The following SMCO4 variants were observed in gnomAD, a reference collection of about 807,000 sequenced individuals.
The protein encoded by SMCO4 is single-pass membrane and coiled-coil domain-containing protein 4.
A neutral mutation model predicts 3.6 loss-of-function variants in SMCO4; 4 were observed. The observed-to-expected ratio is 1.11, with a 90% CI of 0.54 to 2.53. The LOEUF (loss-of-function observed/expected upper bound fraction) is 2.53. Among genes scored for constraint, SMCO4 ranks in the 30% most tolerant of loss-of-function variants. SMCO4 has a pLI of 0.02. For missense variants in SMCO4, 70 were observed against 80.8 expected (o/e 0.87, Z 0.51); for synonymous variants, 36 against 35.3 (o/e 1.02, Z -0.07).
chr11:93,506,189 T>C (rs559157082), intron 1 of SMCO4, among the ~76,000 whole-genome samples: 12 of 152,270 alleles, frequency 7.9e-5, no homozygotes, highest in African/African-American at 2.9e-4. Flanking sequence ...AGCCAAGATA[T>C]GGAAAGCGAG....
At chr11:93,532,612 T>A (rs1323879456) in intron 1 of SMCO4, among the ~76,000 whole-genome samples, 1 of 152,204 alleles carries the variant, frequency 6.6e-6, no homozygotes, top group Non-Finnish European at 1.5e-5. Context: ...GTCCTATTGG[T>A]TCTGTCTCTC....
intron 1 of SMCO4, among the ~76,000 whole-genome samples, chr11:93,542,083 T>G (rs1949275225): frequency 6.8e-6 from 1 of 147,148 alleles, no homozygotes. Context: ...GGCATACTGG[T>G]GTCTTGAATA....
intron 1 of SMCO4, among the ~76,000 whole-genome samples, chr11:93,516,727 T>G (rs1438531991): frequency 3.3e-5 from 5 of 151,982 alleles, no homozygotes. Context: ...GAGGTGAAGG[T>G]TGCTGTGAGC....
chr11:93,505,398 T>C (rs1948889647), intron 1 of SMCO4, among the ~76,000 whole-genome samples: 1 of 152,198 alleles, frequency 6.6e-6, no homozygotes, highest in Non-Finnish European at 1.5e-5. Context: ...TCACTTGCTA[T>C]TGTATTACCC....
At chr11:93,486,549 C>T (rs1003632841) in intron 2 of SMCO4, among the ~76,000 whole-genome samples, 2 of 152,190 alleles carry the variant, frequency 1.3e-5, no homozygotes, top group African/African-American at 4.8e-5. Context: ...GGCAGTCATT[C>T]TGGGTTAAAA....
chr11:93,531,461 C>T (rs1050067431), intron 1 of SMCO4, among the ~76,000 whole-genome samples: 5 of 152,176 alleles, frequency 3.3e-5, no homozygotes, highest in African/African-American at 1.2e-4. Flanking sequence ...CATTGGCTCT[C>T]TGGGGTCTCA....
intron 1 of SMCO4, among the ~76,000 whole-genome samples, chr11:93,514,398 A>G (rs1364175712): frequency 5.6e-5 from 5 of 88,994 alleles, no homozygotes; most frequent in African/African-American, 2.4e-4. Flanking sequence ...ATATATATAT[A>G]TATATATATA....
At chr11:93,497,624 G>A (rs1948789501) in intron 2 of SMCO4, among the ~76,000 whole-genome samples, 1 of 151,804 alleles carries the variant, frequency 6.6e-6, no homozygotes, top group African/African-American at 2.4e-5. Flanking sequence ...GTTTGCCATG[G>A]CTTCCAAAGG....
chr11:93,478,756 C>CAA lies in SMCO4; in HGVS notation c.*253_*254insTT. 1.1e-4 allele frequency: 101 copies of CAA among 914,012 alleles called. No homozygotes were observed. The highest frequency in any genetic ancestry group is 1.4e-4 in the Non-Finnish European group (97 of 676,744). 56.6% of individuals were successfully genotyped at this position (914,012 alleles called of 1,614,324 possible). A position where few individuals can be genotyped will look rare whatever the true frequency, so the allele number is the denominator to read the frequency against. Reference sequence around the variant, plus strand: ...ACACACACACACACACACACACATGCGCGCGCGCTTTGAAGTCTGAAAGGC... The same window carrying CAA: ...ACACACACACACACACACACACATGCAAGCGCGCGCTTTGAAGTCTGAAAGGC... On this transcript the variant is annotated 3_prime_UTR_variant, in exon 3 of 3. Transcript: ENST00000298966.
At chr11:93,515,924 CT>C (rs1190275476) in intron 1 of SMCO4, among the ~76,000 whole-genome samples, 3 of 152,136 alleles carry the variant, frequency 2.0e-5, no homozygotes, top group African/African-American at 7.2e-5. Flanking sequence ...GTCTGACCCC[CT>C]TTTAATAGCT....
rs577198652 is a variant in SMCO4, at chr11:93,499,848, A to G, written c.-153-500T>C. ...ATGAGAAAGTGACCCAGGCATCCGA[A>G]CTACCGTCCCATAACATCAGAGAGG... On this transcript the variant is annotated intron_variant, in intron 1 of 2. Coordinates refer to ENST00000298966, the MANE Select transcript of SMCO4 (RefSeq NM_020179.3). Among the ~76,000 whole-genome samples, 121 of 152,322 alleles carry G rather than the reference A, an allele frequency of 7.9e-4. 2 individuals are homozygous for G. Among genetic ancestry groups the G allele is most frequent in the African/African-American group, 2.8e-3 (116 of 41,570 alleles).
In SMCO4 at chr11:93,478,960, C is replaced by A. The variant is rs749902261; in HGVS notation, c.*50G>T. ...AAAGCCATTTTTTGTTTGCGTCCCC[C>A]TCCCGCGCCTCCTCTCCCTGCCGAT... On this transcript the variant is annotated 3_prime_UTR_variant, in exon 3 of 3. Coordinates refer to ENST00000298966, the MANE Select transcript of SMCO4 (RefSeq NM_020179.3). 1.3e-6 allele frequency: 2 copies of A among 1,560,236 alleles called. No homozygotes were observed. Among genetic ancestry groups the A allele is most frequent in the African/African-American group, 1.4e-5 (1 of 73,862 alleles).
Position 93,535,839 on chromosome 11 carries a change from C to T in SMCO4, c.-154+7437G>A. 1.9e-6 allele frequency: 3 copies of T among 1,603,144 alleles called. No homozygotes were observed. The South Asian group carries it at 3.3e-5, about 18-fold the overall frequency. The stretch of plus-strand genomic sequence containing the variant: ...CACAGTAAAGGACATACATTTCCTG[C>T]TTTCACCAATTAACCACTGAATTGC... On this transcript the variant is annotated intron_variant, in intron 1 of 2. Coordinates refer to ENST00000298966, the MANE Select transcript of SMCO4 (RefSeq NM_020179.3).
chr11:93,500,613 T>C (rs1050045994), intron 1 of SMCO4, among the ~76,000 whole-genome samples: 7 of 152,188 alleles, frequency 4.6e-5, no homozygotes, highest in South Asian at 2.1e-4. Context: ...AGTTGGTTAT[T>C]CAGGAGTCAT....
intron 1 of SMCO4, among the ~76,000 whole-genome samples, chr11:93,526,658 G>A (rs1013324089): frequency 2.0e-5 from 3 of 152,096 alleles, no homozygotes; most frequent in South Asian, 2.1e-4. Context: ...CTGTTCTCAC[G>A]CACCATTGTA....
At chr11:93,551,920 G>A in the SMCO4 span, among the ~76,000 whole-genome samples, 1 of 152,050 alleles carries the variant, frequency 6.6e-6, no homozygotes, top group Non-Finnish European at 1.5e-5. Context: ...GAATCCATCT[G>A]GTATCGCTTT....
At chr11:93,513,901 G>A (rs1230925224) in intron 1 of SMCO4, among the ~76,000 whole-genome samples, 1 of 152,196 alleles carries the variant, frequency 6.6e-6, no homozygotes, top group Middle Eastern at 3.2e-3. Flanking sequence ...CCCGCCAAAT[G>A]TCTTTCCTTA....
the SMCO4 span, among the ~76,000 whole-genome samples, chr11:93,551,988 C>T: frequency 6.6e-6 from 1 of 151,946 alleles, no homozygotes; most frequent in African/African-American, 2.4e-5. Flanking sequence ...CTCTAAGATG[C>T]AACAGTCATT....
At chr11:93,517,859 G>C (rs1352088151) in intron 1 of SMCO4, among the ~76,000 whole-genome samples, 2 of 152,176 alleles carry the variant, frequency 1.3e-5, no homozygotes, top group Non-Finnish European at 2.9e-5. Flanking sequence ...GAAGTACCCT[G>C]CTAGACAGCA....
Sources: gnomAD v4.1 joint callset for allele counts (sites outside exome capture counted in the v4.1 genomes callset) on GRCh38, gnomAD v4.1.1 for gene constraint, MANE v1.5 for transcripts, NCBI Gene and HGNC (gene_info 2026-07-23, HGNC 2026-07-21) for gene names.